Variants in GPR158 observed in about 807,000 individuals in gnomAD.
The protein encoded by GPR158 is G protein-coupled receptor 158, also known as metabotropic glycine receptor.
In GPR158, 30 loss-of-function variants were observed where a neutral mutation model predicts 78.2. That is an observed-to-expected ratio of 0.38 (90% confidence interval 0.29 to 0.52). GPR158 has a LOEUF of 0.52. GPR158 is among the 20% of genes least tolerant of loss of function. GPR158 has a pLI of 0.83. For synonymous variants in GPR158, 581 were observed against 591.1 expected (o/e 0.98, Z 0.25); for missense variants, 1,463 against 1,523.5 (o/e 0.96, Z 0.66).
At chr10:25,359,454 T>C (rs1461845189) in intron 2 of GPR158, among the ~76,000 whole-genome samples, 1 of 152,062 alleles carries the variant, frequency 6.6e-6, no homozygotes, top group Admixed American at 6.6e-5. Context: ...TTCCCCTCCC[T>C]GTGTCCATGT....
At chr10:25,469,982 G>T (rs1397571285) in intron 5 of GPR158, among the ~76,000 whole-genome samples, 1 of 151,768 alleles carries the variant, frequency 6.6e-6, no homozygotes, top group Non-Finnish European at 1.5e-5. Context: ...ATGAAAATTA[G>T]ACTGACTATG....
chr10:25,556,679 G>T (rs1356562930), intron 6 of GPR158, among the ~76,000 whole-genome samples: 2 of 152,148 alleles, frequency 1.3e-5, no homozygotes, highest in African/African-American at 2.4e-5. Flanking sequence ...GTACTATTTG[G>T]ACAGGAAGCT....
chr10:25,262,872 T>G (rs1853987388), intron 2 of GPR158, among the ~76,000 whole-genome samples: 2 of 152,224 alleles, frequency 1.3e-5, no homozygotes, highest in African/African-American at 4.8e-5. Flanking sequence ...CTCTGTGTAT[T>G]CTTTGCCTAT....
rs113880009 is a variant in GPR158, at chr10:25,414,025, T to A, written c.1335+1552T>A. Reference sequence around the variant, plus strand: ...CCTGTCAGTGGCATAGCAGGTAGAATTGAAAGGTCTGTCTAACAAACTTCT... The same window carrying A: ...CCTGTCAGTGGCATAGCAGGTAGAAATGAAAGGTCTGTCTAACAAACTTCT... On this transcript the variant is annotated intron_variant, in intron 4 of 10. Coordinates refer to ENST00000376351, the MANE Select transcript of GPR158 (RefSeq NM_020752.3). Among the ~76,000 whole-genome samples, 164 of 152,178 alleles carry A rather than the reference T, an allele frequency of 1.1e-3. 1 individual carries two copies. The highest frequency in any genetic ancestry group is 3.6e-3 in the African/African-American group (150 of 41,482).
intron 2 of GPR158, among the ~76,000 whole-genome samples, chr10:25,372,028 C>T (rs190659913): frequency 0.02 from 3,027 of 151,832 alleles, 48 homozygotes; most frequent in Non-Finnish European, 0.033. Flanking sequence ...CAAACAACCC[C>T]GTCAAAAAGT....
At chr10:25,533,459 C>T (rs1334279019) in intron 5 of GPR158, among the ~76,000 whole-genome samples, 2 of 152,120 alleles carry the variant, frequency 1.3e-5, no homozygotes, top group Non-Finnish European at 2.9e-5. Context: ...TACACTGGTT[C>T]CTGGCTTCCA....
chr10:25,377,112 T>C (rs185243495), intron 2 of GPR158, among the ~76,000 whole-genome samples: 1 of 151,904 alleles, frequency 6.6e-6, no homozygotes, highest in Admixed American at 6.6e-5. Context: ...TTTAAAATGG[T>C]TCTTTTTGCC....
intron 5 of GPR158, among the ~76,000 whole-genome samples, chr10:25,541,687 G>A (rs950724712): frequency 6.6e-6 from 1 of 151,666 alleles, no homozygotes; most frequent in African/African-American, 2.4e-5. Context: ...TTCAATGAAC[G>A]TGGCTCTGGC....
intron 1 of GPR158, among the ~76,000 whole-genome samples, chr10:25,212,309 G>A (rs536486217): frequency 2.2e-4 from 34 of 152,214 alleles, no homozygotes; most frequent in Admixed American, 2.0e-3. Flanking sequence ...GTGAGCAGGC[G>A]TCTTACATGG....
chr10:25,580,966 A>G (rs4747537), intron 7 of GPR158, among the ~76,000 whole-genome samples: 56,724 of 117,530 alleles, frequency 0.48, 15,923 homozygotes, highest in African/African-American at 0.73. Context: ...TGCCCAGGCC[A>G]GACTGCGGAC....
intron 5 of GPR158, 134 bp downstream of exon 5, chr10:25,466,853 G>C (rs1835431249): frequency 2.1e-6 from 1 of 465,602 alleles, no homozygotes; most frequent in Admixed American, 3.8e-5. Context: ...TTTGGCTCTT[G>C]TCTTACTTGA....
intron 1 of GPR158, among the ~76,000 whole-genome samples, chr10:25,212,617 G>T (rs1378391179): frequency 1.5e-5 from 2 of 134,068 alleles, no homozygotes; most frequent in Non-Finnish European, 3.1e-5. Context: ...AACTACTAGA[G>T]AATTTATAGC....
At chr10:25,580,010 C>T (rs1214169590) in intron 7 of GPR158, among the ~76,000 whole-genome samples, 1 of 152,228 alleles carries the variant, frequency 6.6e-6, no homozygotes, top group Non-Finnish European at 1.5e-5. Flanking sequence ...TACCCTCCAC[C>T]TCTCTTCATG....
At chr10:25,579,357 C>T (rs1837154835) in intron 7 of GPR158, among the ~76,000 whole-genome samples, 1 of 152,092 alleles carries the variant, frequency 6.6e-6, no homozygotes, top group South Asian at 2.1e-4. Flanking sequence ...ATAATTTCAC[C>T]CCTAGAGTCA....
At chr10:25,396,090 C>T (rs1451804748) in intron 3 of GPR158, 77 bp downstream of exon 3, 3 of 651,210 alleles carry the variant, frequency 4.6e-6, no homozygotes, top group African/African-American at 3.7e-5. Flanking sequence ...TTCTTTTATC[C>T]TTGTTGGAGT....
chr10:25,508,815 G>T (rs2130666562), intron 5 of GPR158, among the ~76,000 whole-genome samples: 1 of 152,268 alleles, frequency 6.6e-6, no homozygotes, highest in South Asian at 2.1e-4. Flanking sequence ...TATTTGACCA[G>T]CCCCTCTCCC....
chr10:25,584,080 C>G (rs974018420), intron 7 of GPR158, among the ~76,000 whole-genome samples: 1 of 151,998 alleles, frequency 6.6e-6, no homozygotes, highest in Non-Finnish European at 1.5e-5. Flanking sequence ...AACTTTTAAA[C>G]TGAGTGTTAT....
At chr10:25,212,822 G>A (rs974561950) in intron 1 of GPR158, among the ~76,000 whole-genome samples, 37 of 151,884 alleles carry the variant, frequency 2.4e-4, no homozygotes. Context: ...ATTAAAGACG[G>A]GGTTTCACCA....
intron 1 of GPR158, among the ~76,000 whole-genome samples, chr10:25,183,882 A>G (rs776960385): frequency 4.5e-4 from 69 of 152,360 alleles, no homozygotes; most frequent in Non-Finnish European, 6.5e-4. Flanking sequence ...GATAGTAAAG[A>G]ATTATATTGT....
Sources: allele counts gnomAD v4.1 joint callset (sites outside exome capture counted in the v4.1 genomes callset), GRCh38; gene constraint gnomAD v4.1.1; transcripts MANE v1.5; gene names NCBI Gene and HGNC (gene_info 2026-07-23, HGNC 2026-07-21).